Variants in C11orf58 observed in about 807,000 individuals in gnomAD.
C11orf58 encodes the protein chromosome 11 open reading frame 58.
A neutral mutation model predicts 22.7 loss-of-function variants in C11orf58; 5 were observed. The observed-to-expected ratio is 0.22, with a 90% confidence interval of 0.12 to 0.46. The LOEUF (loss-of-function observed/expected upper bound fraction) is 0.46. Among genes scored for constraint, C11orf58 ranks in the 20% least tolerant of loss-of-function variants. The pLI, the probability that C11orf58 is intolerant of heterozygous loss-of-function variation, is 0.99. For missense variants in C11orf58, 151 were observed against 223.3 expected (o/e 0.68, Z 2.06); for synonymous variants, 71 against 70.7 (o/e 1.00, Z -0.02).
At chr11:16,754,547 CTTTTTTTTTTTTTTTTT>C (rs573626223) in intron 4 of C11orf58, among the ~76,000 whole-genome samples, 19 of 31,496 alleles carry the variant, frequency 6.0e-4, no homozygotes, top group South Asian at 2.0e-3. Flanking sequence ...CTCTCTCTCC[CTTTTTTTTTTTTTTTTT>C]TTTTTTTTTT....
At chr11:16,741,792 G>A (rs982383873) in intron 1 of C11orf58, among the ~76,000 whole-genome samples, 2 of 152,218 alleles carry the variant, frequency 1.3e-5, no homozygotes, top group Admixed American at 1.3e-4. Context: ...CAGATGATCT[G>A]TCATTGTCTC....
Position 16,757,111 on chromosome 11 carries a change from A to G in C11orf58, c.*2007A>G. On this transcript the variant is annotated 3_prime_UTR_variant, in exon 5 of 5. Coordinates refer to ENST00000228136, the MANE Select transcript of C11orf58 (RefSeq NM_014267.6). ...ATAGTAAAATATTGAATCACTTTAT[A>G]GTAGACAATACATATGACATTTAAC... Among the ~76,000 whole-genome samples, 1 of 145,126 alleles carries G rather than the reference A, an allele frequency of 6.9e-6. No homozygotes were observed. Among genetic ancestry groups the G allele is most frequent in the East Asian group, 2.2e-4 (1 of 4,580 alleles).
chr11:16,742,319 G>A (rs1350176929), intron 1 of C11orf58, among the ~76,000 whole-genome samples: 2 of 152,156 alleles, frequency 1.3e-5, no homozygotes, highest in African/African-American at 4.8e-5. Context: ...AAGTCACTTA[G>A]CCTCTCTGTG....
intron 1 of C11orf58, among the ~76,000 whole-genome samples, chr11:16,744,072 A>C (rs1848469677): frequency 1.3e-5 from 2 of 151,234 alleles, no homozygotes; most frequent in Admixed American, 1.3e-4. Flanking sequence ...AAAAAAGGCA[A>C]CTGAAAAGTT....
chr11:16,757,381 C>T lies in C11orf58; in HGVS notation c.*2277C>T, dbSNP rs1848588896. ...AGCAACTTGTTTTAAAATAACTACACTAAAAGACTTTCTTCATCTCCGTAT... is the reference window on the plus strand; with the variant it reads ...AGCAACTTGTTTTAAAATAACTACATTAAAAGACTTTCTTCATCTCCGTAT... On this transcript the variant is annotated 3_prime_UTR_variant, in exon 5 of 5. Transcript: ENST00000228136. Among the ~76,000 whole-genome samples the T allele has an allele frequency of 1.3e-5, 2 of 152,180 alleles. No homozygotes were observed. Among genetic ancestry groups the T allele is most frequent in the Non-Finnish European group, 2.9e-5 (2 of 68,030 alleles).
intron 2 of C11orf58, among the ~76,000 whole-genome samples, chr11:16,745,560 GTCTTCA>G (rs1280380276): frequency 6.6e-6 from 1 of 152,118 alleles, no homozygotes; most frequent in Non-Finnish European, 1.5e-5. Flanking sequence ...TATCATAAAG[GTCTTCA>G]TCTTCATAGT....
chr11:16,741,127 T>G (rs965221400), intron 1 of C11orf58, among the ~76,000 whole-genome samples: 2 of 151,140 alleles, frequency 1.3e-5, no homozygotes, highest in Non-Finnish European at 2.9e-5. Context: ...AGTTATAATA[T>G]ATAGTTGGGA....
chr11:16,746,680 A>G (rs1848490269), intron 2 of C11orf58: 1 of 152,074 alleles, frequency 6.6e-6, no homozygotes, highest in African/African-American at 2.4e-5. Context: ...GTTGTTCAGC[A>G]TAGATTAAAT....
Position 16,748,176 on chromosome 11 carries a change from A to G in C11orf58, c.208+19A>G. On this transcript the variant is annotated intron_variant, in intron 3 of 4. Transcript: ENST00000228136. ...CGAACCGGTAAGAAAGTAAAGTGTA[A>G]TTAAAATGGAAGTGCTAAATTCAGA... The G allele has an allele frequency of 6.3e-7, 1 of 1,592,398 alleles. No homozygotes were observed. Among genetic ancestry groups the G allele is most frequent in the Non-Finnish European group, 8.6e-7 (1 of 1,160,562 alleles).
chr11:16,755,170 C>T lies in C11orf58; in HGVS notation c.*66C>T. 1.3e-6 allele frequency: 2 copies of T among 1,517,794 alleles called. No individual in the cohort carries two copies. The highest frequency in any genetic ancestry group is 1.2e-5 in the South Asian group (1 of 81,048). 94.0% of individuals were successfully genotyped at this position (1,517,794 alleles called of 1,614,324 possible). ...TGTTACAATGCACAGTGGAGGACTG[C>T]TTATAGAGCACAGACCTTTGTATTA... On this transcript the variant is annotated 3_prime_UTR_variant, in exon 5 of 5. Transcript: ENST00000228136.
rs1029878524 is a variant in C11orf58 at position 16,757,707 on chromosome 11, A to G, written c.*2603A>G. ...ACTTTTCCATATCATTCATGACTTA[A>G]TACCTGAAATGCACTTTTAAATGTT... On this transcript the variant is annotated 3_prime_UTR_variant, in exon 5 of 5. Transcript: ENST00000228136. Among the ~76,000 whole-genome samples, 1 of 152,232 alleles carries G rather than the reference A, an allele frequency of 6.6e-6. No individual in the cohort carries two copies.
intron 3 of C11orf58, chr11:16,751,061 C>T (rs890863951): frequency 2.6e-5 from 4 of 152,218 alleles, no homozygotes; most frequent in Non-Finnish European, 5.9e-5. Flanking sequence ...GAGCACACGT[C>T]TTCTCTTATA....
intron 1 of C11orf58, among the ~76,000 whole-genome samples, chr11:16,741,263 A>G (rs1196072994): frequency 6.6e-6 from 1 of 152,186 alleles, no homozygotes; most frequent in Non-Finnish European, 1.5e-5. Context: ...CTAAATCACA[A>G]TACAACTCTA....
chr11:16,754,692 A>G (rs1386973562), intron 4 of C11orf58, among the ~76,000 whole-genome samples, 179 bp from the exon 5 acceptor site: 2 of 150,356 alleles, frequency 1.3e-5, no homozygotes, highest in African/African-American at 4.9e-5. Flanking sequence ...AGCCACAGGT[A>G]TGAGCCACTG....
rs1279102286 is a variant in C11orf58, at chr11:16,754,529, T to TTC, written c.319-327_319-326dup. Among the ~76,000 whole-genome samples, 65 of 143,034 alleles carry TTC rather than the reference T, an allele frequency of 4.5e-4. 1 individual carries two copies. The highest frequency in any genetic ancestry group is 8.5e-4 in the Admixed American group (12 of 14,172). 93.8% of individuals were successfully genotyped at this position (143,034 alleles called of 152,430 possible). On this transcript the variant is annotated intron_variant, in intron 4 of 4. Transcript: ENST00000228136. ...TCTTTTTTCTTTTTTTTTTTTTAGT[T>TTC]TCTCTCTCTCTCTCTCCCTTTTTTT...
In C11orf58 at chr11:16,744,588, AT is replaced by A; in HGVS notation, c.64-5del. 4 of 1,608,272 alleles carry A rather than the reference AT, an allele frequency of 2.5e-6. No homozygotes were observed. The highest frequency in any genetic ancestry group is 3.4e-6 in the Non-Finnish European group (4 of 1,176,650). ...TATGCAAAAAAAATTTAATCAACCA[AT>A]TTTTTTTCTAGCTGGGATCTAGCAA... On this transcript the variant is annotated splice_polypyrimidine_tract_variant and intron_variant, in intron 1 of 4. Coordinates refer to ENST00000228136, the MANE Select transcript of C11orf58 (RefSeq NM_014267.6).
chr11:16,754,756 T>C (rs1265588108), intron 4 of C11orf58, 115 bp from the exon 5 acceptor site: 1 of 1,487,342 alleles, frequency 6.7e-7, no homozygotes, highest in Non-Finnish European at 9.0e-7. Flanking sequence ...TTAAAGCTGT[T>C]GTTCTAATGG....
chr11:16,747,300 A>AT (rs937466741), intron 2 of C11orf58: 12 of 152,266 alleles, frequency 7.9e-5, no homozygotes, highest in African/African-American at 2.9e-4. Context: ...TGTATCTGCC[A>AT]TTTTTTCACA....
rs1848589442 is a variant in C11orf58 at position 16,757,459 on chromosome 11, G to C, written c.*2355G>C. ...TTTATTGGGTGCTAACAAAATTCAG[G>C]GTTAGAGTAAATTTAGGTCTGTTGG... On this transcript the variant is annotated 3_prime_UTR_variant, in exon 5 of 5. Coordinates refer to ENST00000228136, the MANE Select transcript of C11orf58 (RefSeq NM_014267.6). 6.6e-6 allele frequency among the ~76,000 whole-genome samples: 1 copy of C among 152,090 alleles called. No homozygotes were observed. The highest frequency in any genetic ancestry group is 2.4e-5 in the African/African-American group (1 of 41,398).
Sources: allele counts gnomAD v4.1 joint callset (sites outside exome capture counted in the v4.1 genomes callset), GRCh38; gene constraint gnomAD v4.1.1; transcripts MANE v1.5; gene names NCBI Gene and HGNC (gene_info 2026-07-23, HGNC 2026-07-21).